PALM2AKAP2: variants seen among roughly 807,000 people sequenced by gnomAD.
PALM2AKAP2 encodes the protein PALM2-AKAP2 fusion protein.
Under a neutral mutation model 71.5 loss-of-function variants are expected in PALM2AKAP2, and 37 were observed. That is an observed-to-expected ratio of 0.52 (90% confidence interval 0.40 to 0.68). The LOEUF is 0.68. Among genes scored for constraint, PALM2AKAP2 ranks in the 30% least tolerant of loss-of-function variants. The pLI is 0.00. For synonymous variants in PALM2AKAP2, 468 were observed against 478.8 expected (o/e 0.98, Z 0.29); for missense variants, 1,224 against 1,191.8 (o/e 1.03, Z -0.40).
chr9:110,156,288 T>A, intron 2 of PALM2AKAP2, 31 bp from the exon 9 acceptor site: 1 of 1,519,132 alleles, frequency 6.6e-7, no homozygotes, highest in Non-Finnish European at 8.8e-7. Context: ...CAGACAAGCT[T>A]AGAAAGGGTA....
intron 1 of PALM2AKAP2, among the ~76,000 whole-genome samples, chr9:109,804,370 T>C (rs10816880): frequency 0.18 from 26,938 of 152,188 alleles, 2,783 homozygotes; most frequent in East Asian, 0.35. Context: ...AACTCTAAGC[T>C]GTAATCTCAG....
At chr9:110,001,026 C>G (rs1447742136) in intron 6 of PALM2AKAP2, among the ~76,000 whole-genome samples, 2 of 152,178 alleles carry the variant, frequency 1.3e-5, no homozygotes, top group African/African-American at 4.8e-5. Context: ...AATTAGATCC[C>G]ATTTGTCAAT....
At chr9:110,135,164 A>AAAT in intron 1 of PALM2AKAP2, among the ~76,000 whole-genome samples, 14 of 51,718 alleles carry the variant, frequency 2.7e-4, no homozygotes, top group East Asian at 2.5e-3. Context: ...AAAAAAAAAA[A>AAAT]ATATATAAAT....
chr9:109,762,942 T>C (rs1474793855), intron 1 of PALM2AKAP2, among the ~76,000 whole-genome samples: 1 of 151,922 alleles, frequency 6.6e-6, no homozygotes, highest in African/African-American at 2.4e-5. Context: ...AGGAAAGAGC[T>C]CAAAGATGTT....
intron 2 of PALM2AKAP2, among the ~76,000 whole-genome samples, chr9:110,151,277 C>G (rs1323370452): frequency 1.3e-5 from 2 of 152,176 alleles, no homozygotes; most frequent in African/African-American, 2.4e-5. Context: ...TCTCAAACTC[C>G]TGAGCTCAAG....
At position 109,657,946 on chromosome 9, in the gene PALM2AKAP2, G is replaced by GTGTT. The variant is rs1304809467; in HGVS notation, c.5+17083_5+17084insTTGT. 2.9e-3 allele frequency among the ~76,000 whole-genome samples: 419 copies of GTGTT among 143,402 alleles called. 4 individuals carry two copies. The highest frequency in any genetic ancestry group is 0.011 in the African/African-American group (399 of 35,008). The allele number at this position is 143,402 out of a possible 152,430, so 94.1% of individuals were successfully genotyped here. On this transcript the variant is annotated intron_variant, in intron 1 of 6. Coordinates refer to the PALM2AKAP2 transcript ENST00000374531. The stretch of plus-strand genomic sequence containing the variant: ...CACAGATTTGTGTGTGTTTGTGTGT[G>GTGTT]TGTGTGTGTGTGTGTGTGTGTGTGT...
intron 1 of PALM2AKAP2, among the ~76,000 whole-genome samples, chr9:109,691,891 T>TACAC (rs1287170583): frequency 7.2e-5 from 5 of 69,356 alleles, no homozygotes; most frequent in African/African-American, 1.1e-4. Flanking sequence ...CATATATATA[T>TACAC]ATATATATAT....
At chr9:109,901,763 G>A (rs1724644632) in intron 3 of PALM2AKAP2, among the ~76,000 whole-genome samples, 1 of 152,180 alleles carries the variant, frequency 6.6e-6, no homozygotes, top group Non-Finnish European at 1.5e-5. Flanking sequence ...AACCAGCTGG[G>A]CAGGCCACTC....
intron 1 of PALM2AKAP2, among the ~76,000 whole-genome samples, chr9:109,729,592 A>G (rs535912216): frequency 3.9e-5 from 6 of 152,194 alleles, no homozygotes; most frequent in Non-Finnish European, 7.3e-5. Context: ...ACTTTCCCCA[A>G]CAGCCCCTTG....
exon 2 of PALM2AKAP2, chr9:110,136,250 G>T: frequency 6.2e-7 from 1 of 1,614,162 alleles, no homozygotes; most frequent in Non-Finnish European, 8.5e-7. Flanking sequence ...GGAAATTGAG[G>T]TGTCTGTTGC....
intron 1 of PALM2AKAP2, among the ~76,000 whole-genome samples, chr9:109,755,692 C>T (rs891910954): frequency 2.0e-5 from 3 of 151,738 alleles, no homozygotes; most frequent in African/African-American, 7.3e-5. Context: ...AGTCCCCAGC[C>T]CCCACCTCCA....
At chr9:109,674,266 A>C (rs752414578) in intron 1 of PALM2AKAP2, among the ~76,000 whole-genome samples, 1 of 151,948 alleles carries the variant, frequency 6.6e-6, no homozygotes, top group Non-Finnish European at 1.5e-5. Flanking sequence ...TGACATACTT[A>C]ATATAGGTAT....
At chr9:110,038,265 G>A (rs1336111240) in intron 7 of PALM2AKAP2, among the ~76,000 whole-genome samples, 1 of 152,132 alleles carries the variant, frequency 6.6e-6, no homozygotes, top group Non-Finnish European at 1.5e-5. Flanking sequence ...GGCAGGTCAA[G>A]GCTGCAGTAA....
exon 2 of PALM2AKAP2, chr9:110,136,220 T>C: frequency 6.2e-7 from 1 of 1,614,124 alleles, no homozygotes; most frequent in Non-Finnish European, 8.5e-7. Flanking sequence ...CAGCTCTCTT[T>C]CCCCAGATCA....
chr9:109,915,007 C>T lies in PALM2AKAP2; in HGVS notation c.258-8728C>T, dbSNP rs549924507. 3.3e-5 allele frequency among the ~76,000 whole-genome samples: 5 copies of T among 152,310 alleles called. No individual in the cohort carries two copies. In the South Asian group the frequency reaches 1.0e-3, roughly 32 times the overall value. Reference sequence around the variant, plus strand: ...CTCCTTTCCTTTTCTGCTCTTTCTACCACCTCCTACTGCTGGACCTCTTTG... The same window carrying T: ...CTCCTTTCCTTTTCTGCTCTTTCTATCACCTCCTACTGCTGGACCTCTTTG... On this transcript the variant is annotated intron_variant, in intron 3 of 9. Transcript: ENST00000302798.
chr9:109,643,242 C>T (rs913627298), intron 1 of PALM2AKAP2, among the ~76,000 whole-genome samples: 1 of 152,188 alleles, frequency 6.6e-6, no homozygotes, highest in Non-Finnish European at 1.5e-5. Context: ...GGAACAGACT[C>T]GGCCTGATGC....
At chr9:109,843,495 ATTAC>A (rs1451136259) in intron 1 of PALM2AKAP2, among the ~76,000 whole-genome samples, 2 of 152,038 alleles carry the variant, frequency 1.3e-5, no homozygotes, top group African/African-American at 4.8e-5. Flanking sequence ...GTACATGTGT[ATTAC>A]TTGTATTTAT....
chr9:110,149,412 G>A (rs1836256814), intron 2 of PALM2AKAP2, among the ~76,000 whole-genome samples: 1 of 152,206 alleles, frequency 6.6e-6, no homozygotes, highest in Non-Finnish European at 1.5e-5. Context: ...GCTTTTCTCA[G>A]CGTGGGCTAA....
At chr9:109,868,991 G>A (rs948897613) in intron 2 of PALM2AKAP2, among the ~76,000 whole-genome samples, 1 of 152,204 alleles carries the variant, frequency 6.6e-6, no homozygotes. Flanking sequence ...CTGGCTCAGA[G>A]TACAGTCCAT....
Sources: gnomAD v4.1 joint callset for allele counts (sites outside exome capture counted in the v4.1 genomes callset) on GRCh38, gnomAD v4.1.1 for gene constraint, MANE v1.5 for transcripts, NCBI Gene and HGNC (gene_info 2026-07-23, HGNC 2026-07-21) for gene names.